SEMA5A: variants seen among roughly 807,000 people sequenced by gnomAD.
SEMA5A encodes semaphorin-5A.
SEMA5A carries 55 observed loss-of-function variants against 135.5 expected under a neutral mutation model. That is an observed-to-expected ratio of 0.41 (90% CI 0.33 to 0.51). The LOEUF (loss-of-function observed/expected upper bound fraction) is 0.51. SEMA5A is among the 20% of genes least tolerant of loss of function. SEMA5A has a pLI of 0.37. For synonymous variants in SEMA5A, 580 were observed against 546.5 expected, an observed-to-expected ratio of 1.06 and a Z score of -0.85; for missense variants, 1,290 against 1,419.9, an observed-to-expected ratio of 0.91 and a Z score of 1.47.
At chr5:9,433,051 TAG>T (rs1005348704) in intron 2 of SEMA5A, among the ~76,000 whole-genome samples, 1 of 152,208 alleles carries the variant, frequency 6.6e-6, no homozygotes, top group Non-Finnish European at 1.5e-5. Flanking sequence ...TCTCTATTTG[TAG>T]AAAGGAGAAG....
chr5:9,318,285 C>A lies in SEMA5A; in HGVS notation c.270+87G>T, dbSNP rs994078870. 1.2e-5 allele frequency: 16 copies of A among 1,330,380 alleles called. No individual in the cohort carries two copies. The Admixed American group carries it at 1.7e-4, about 14-fold the overall frequency. 82.4% of individuals were successfully genotyped at this position (1,330,380 alleles called of 1,614,324 possible). On this transcript the variant is annotated intron_variant, in intron 5 of 22. Coordinates refer to ENST00000382496, the MANE Select transcript of SEMA5A (RefSeq NM_003966.3). Reference sequence around the variant, plus strand: ...AGCCCCTGCTCAGGCTGGATTAACACCTTTACATGCATCTGTCTTCATCCC... The same window carrying A: ...AGCCCCTGCTCAGGCTGGATTAACAACTTTACATGCATCTGTCTTCATCCC...
chr5:9,068,728 C>T (rs1183574537), intron 16 of SEMA5A, among the ~76,000 whole-genome samples: 4 of 152,070 alleles, frequency 2.6e-5, no homozygotes, highest in African/African-American at 9.7e-5. Context: ...CCTAAGCTCT[C>T]TGAGGGGTCT....
At chr5:9,236,792 C>T (rs925329323) in intron 6 of SEMA5A, among the ~76,000 whole-genome samples, 1 of 152,162 alleles carries the variant, frequency 6.6e-6, no homozygotes, top group Non-Finnish European at 1.5e-5. Context: ...TTTCCTCCTT[C>T]TCTTCTTCCT....
intron 16 of SEMA5A, among the ~76,000 whole-genome samples, chr5:9,068,366 C>T (rs2150076597): frequency 6.6e-6 from 1 of 152,180 alleles, no homozygotes; most frequent in East Asian, 1.9e-4. Flanking sequence ...CTTCAGAGAC[C>T]CCTGAGAAGA....
intron 6 of SEMA5A, among the ~76,000 whole-genome samples, chr5:9,231,654 C>T (rs1432144039): frequency 6.6e-6 from 1 of 152,036 alleles, no homozygotes; most frequent in Non-Finnish European, 1.5e-5. Context: ...TGAAGTACTG[C>T]TTGGAGTCAC....
chr5:9,287,064 A>G (rs777195804), intron 5 of SEMA5A, among the ~76,000 whole-genome samples: 2 of 152,234 alleles, frequency 1.3e-5, no homozygotes, highest in Non-Finnish European at 2.9e-5. Flanking sequence ...CCAGGAATGC[A>G]GAGGACCAGA....
chr5:9,507,051 A>G (rs1052793578), intron 1 of SEMA5A, among the ~76,000 whole-genome samples: 9 of 152,256 alleles, frequency 5.9e-5, no homozygotes, highest in Non-Finnish European at 1.2e-4. Context: ...AGGAGGTGCC[A>G]TTAGTAAGAT....
At chr5:9,423,789 A>G (rs1394209049) in intron 2 of SEMA5A, among the ~76,000 whole-genome samples, 1 of 152,204 alleles carries the variant, frequency 6.6e-6, no homozygotes, top group South Asian at 2.1e-4. Context: ...TAACTGCTGC[A>G]TTTTATTAAC....
chr5:9,342,667 G>C lies in SEMA5A; in HGVS notation c.125-4855C>G, dbSNP rs145953494. 3.8e-3 allele frequency among the ~76,000 whole-genome samples: 576 copies of C among 152,302 alleles called. 7 individuals carry two copies. The highest frequency in any genetic ancestry group is 0.013 in the African/African-American group (547 of 41,564). ...TGTAGTTATGTAACCGATTTAGTCT[G>C]CATCATGACAAAATAACGCTAACAA... On this transcript the variant is annotated intron_variant, in intron 3 of 22. Coordinates refer to ENST00000382496, the MANE Select transcript of SEMA5A (RefSeq NM_003966.3).
rs143295695 is a variant in SEMA5A at position 9,364,405 on chromosome 5, A to G, written c.124+15418T>C. Among the ~76,000 whole-genome samples the G allele has an allele frequency of 3.1e-3, 469 of 152,324 alleles. 4 individuals carry two copies. Among genetic ancestry groups the G allele is most frequent in the African/African-American group, 0.01 (435 of 41,574 alleles). The stretch of plus-strand genomic sequence containing the variant: ...TATTAGTCAGGCTTCACAGGTCTAG[A>G]TGAAATTCTTTTCATCTAATATTTT... On this transcript the variant is annotated intron_variant, in intron 3 of 22. Transcript: ENST00000382496.
At chr5:9,507,274 G>A (rs1417822978) in intron 1 of SEMA5A, among the ~76,000 whole-genome samples, 1 of 152,176 alleles carries the variant, frequency 6.6e-6, no homozygotes, top group Non-Finnish European at 1.5e-5. Context: ...CCATCCCAGA[G>A]TATTTGGTGC....
At chr5:9,294,212 C>T (rs866095561) in intron 5 of SEMA5A, among the ~76,000 whole-genome samples, 14 of 152,264 alleles carry the variant, frequency 9.2e-5, no homozygotes, top group Non-Finnish European at 1.0e-4. Context: ...CCTCTCAGCT[C>T]GGCTGCAGCC....
chr5:9,408,398 T>C (rs1394085777), intron 2 of SEMA5A, among the ~76,000 whole-genome samples: 1 of 152,192 alleles, frequency 6.6e-6, no homozygotes, highest in African/African-American at 2.4e-5. Context: ...CTGAAGTCAT[T>C]ATCTTGATCT....
At chr5:9,500,062 A>G (rs1266848471) in intron 1 of SEMA5A, among the ~76,000 whole-genome samples, 2 of 152,226 alleles carry the variant, frequency 1.3e-5, no homozygotes, top group Admixed American at 1.3e-4. Context: ...AATATCTTCT[A>G]TATCACCCTA....
At chr5:9,421,378 A>G (rs1474787040) in intron 2 of SEMA5A, among the ~76,000 whole-genome samples, 2 of 152,372 alleles carry the variant, frequency 1.3e-5, no homozygotes, top group East Asian at 1.9e-4. Flanking sequence ...TACACATTCA[A>G]TATGTGAGAT....
intron 7 of SEMA5A, 102 bp downstream of exon 7, chr5:9,226,767 C>A (rs1032093673): frequency 6.0e-6 from 5 of 840,050 alleles, no homozygotes; most frequent in South Asian, 1.6e-5. Context: ...AATTGAACAG[C>A]AACACCTTGG....
chr5:9,224,635 A>G (rs1747189323), intron 8 of SEMA5A, 39 bp downstream of exon 8: 1 of 1,582,900 alleles, frequency 6.3e-7, no homozygotes, highest in African/African-American at 1.3e-5. Flanking sequence ...GGAATCAAAG[A>G]CAAATGAGGT....
chr5:9,106,318 T>A (rs1352856820), intron 16 of SEMA5A, among the ~76,000 whole-genome samples: 2 of 152,230 alleles, frequency 1.3e-5, no homozygotes, highest in Non-Finnish European at 2.9e-5. Flanking sequence ...ACATTGATAT[T>A]TTAGAAAGAC....
intron 5 of SEMA5A, among the ~76,000 whole-genome samples, chr5:9,303,014 C>G (rs1346947447): frequency 1.3e-5 from 2 of 151,900 alleles, no homozygotes; most frequent in Non-Finnish European, 2.9e-5. Context: ...AAAATCCAAA[C>G]CACTCACCAC....
Sources: allele counts gnomAD v4.1 joint callset (sites outside exome capture counted in the v4.1 genomes callset), GRCh38; gene constraint gnomAD v4.1.1; transcripts MANE v1.5; gene names NCBI Gene and HGNC (gene_info 2026-07-23, HGNC 2026-07-21).